PALM2AKAP2: variants seen among roughly 807,000 people sequenced by gnomAD.
PALM2AKAP2 encodes PALM2 and AKAP2 fusion, also known as PALM2-AKAP2 fusion protein.
A neutral mutation model predicts 71.5 loss-of-function variants in PALM2AKAP2; 37 were observed. The observed-to-expected ratio is 0.52, with a 90% CI of 0.40 to 0.68. The LOEUF is 0.68. PALM2AKAP2 is among the 30% of genes least tolerant of loss of function. The pLI is 0.00. For synonymous variants in PALM2AKAP2, 468 were observed against 478.8 expected, an observed-to-expected ratio of 0.98 and a Z score of 0.29; for missense variants, 1,224 against 1,191.8, an observed-to-expected ratio of 1.03 and a Z score of -0.40.
At chr9:109,940,278 A>G (rs903236759) in intron 6 of PALM2AKAP2, among the ~76,000 whole-genome samples, 2 of 152,212 alleles carry the variant, frequency 1.3e-5, no homozygotes, top group African/African-American at 4.8e-5. Context: ...TAATTATACA[A>G]CTGAGTGGTA....
chr9:109,827,796 A>G (rs1828193775), intron 1 of PALM2AKAP2, among the ~76,000 whole-genome samples: 1 of 152,120 alleles, frequency 6.6e-6, no homozygotes, highest in Non-Finnish European at 1.5e-5. Context: ...ATGGGGCTAG[A>G]GCACTGCTAC....
intron 7 of PALM2AKAP2, among the ~76,000 whole-genome samples, chr9:110,042,825 G>A (rs1833531340): frequency 6.6e-6 from 1 of 151,896 alleles, no homozygotes; most frequent in African/African-American, 2.4e-5. Context: ...CATAGTAGGT[G>A]GCATGTAATG....
At chr9:109,662,462 A>G (rs1275715558) in intron 1 of PALM2AKAP2, among the ~76,000 whole-genome samples, 1 of 152,096 alleles carries the variant, frequency 6.6e-6, no homozygotes, top group African/African-American at 2.4e-5. Context: ...TATGTGATGG[A>G]TTACGTTTAT....
chr9:110,103,159 C>T (rs1341305543), intron 1 of PALM2AKAP2, among the ~76,000 whole-genome samples: 2 of 152,174 alleles, frequency 1.3e-5, no homozygotes, highest in Non-Finnish European at 2.9e-5. Context: ...ACTCTCAGAG[C>T]GCTTCTCATA....
intron 1 of PALM2AKAP2, among the ~76,000 whole-genome samples, chr9:110,065,095 G>A (rs1208205884): frequency 6.6e-6 from 1 of 152,224 alleles, no homozygotes; most frequent in African/African-American, 2.4e-5. Flanking sequence ...ACTTTCTGGT[G>A]GAGGGCCAGC....
At chr9:110,088,709 T>G (rs1028206156) in intron 1 of PALM2AKAP2, among the ~76,000 whole-genome samples, 9 of 71,104 alleles carry the variant, frequency 1.3e-4, no homozygotes, top group African/African-American at 3.9e-4. Context: ...ACGTGTTTTT[T>G]TTTTTTTTTT....
At chr9:109,787,290 C>A (rs1316969055) in intron 1 of PALM2AKAP2, among the ~76,000 whole-genome samples, 1 of 152,208 alleles carries the variant, frequency 6.6e-6, no homozygotes, top group Non-Finnish European at 1.5e-5. Context: ...TCAGAGACAG[C>A]ATGCATTAAG....
chr9:109,936,533 A>G (rs535737781), intron 6 of PALM2AKAP2, among the ~76,000 whole-genome samples: 1 of 152,330 alleles, frequency 6.6e-6, no homozygotes, highest in African/African-American at 2.4e-5. Context: ...TGTTCATTCA[A>G]TAAGTCAACC....
At chr9:110,166,062 G>A (rs552771631) in intron 3 of PALM2AKAP2, among the ~76,000 whole-genome samples, 2 of 152,266 alleles carry the variant, frequency 1.3e-5, no homozygotes, top group African/African-American at 4.8e-5. Flanking sequence ...ATACAATGTA[G>A]AGTTCTTTAT....
intron 1 of PALM2AKAP2, among the ~76,000 whole-genome samples, chr9:109,837,138 G>A (rs900572871): frequency 1.3e-5 from 2 of 152,148 alleles, no homozygotes; most frequent in Admixed American, 1.3e-4. Context: ...AAAAGGTCAG[G>A]TTACCCACAA....
intron 2 of PALM2AKAP2, among the ~76,000 whole-genome samples, chr9:110,150,601 T>A (rs1325190416): frequency 1.3e-5 from 2 of 152,198 alleles, no homozygotes; most frequent in African/African-American, 4.8e-5. Flanking sequence ...TGCAAAGTTC[T>A]TTTTACCTCT....
chr9:110,036,547 C>T (rs897317601), intron 7 of PALM2AKAP2, among the ~76,000 whole-genome samples: 4 of 152,214 alleles, frequency 2.6e-5, no homozygotes, highest in South Asian at 2.1e-4. Context: ...AGTGCTCTCC[C>T]GGCCACTCCT....
chr9:109,938,677 C>T (rs902226152), intron 6 of PALM2AKAP2, among the ~76,000 whole-genome samples: 14 of 152,104 alleles, frequency 9.2e-5, no homozygotes, highest in Admixed American at 9.2e-4. Context: ...TAAAATTGCA[C>T]ACCAAAAAAC....
In PALM2AKAP2 at chr9:109,684,977, A is replaced by G. The variant is rs556813337; in HGVS notation, c.5+44111A>G. 5.3e-5 allele frequency among the ~76,000 whole-genome samples: 8 copies of G among 152,348 alleles called. No individual in the cohort carries two copies. In the East Asian group the frequency reaches 9.6e-4, roughly 18 times the overall value. ...AAATGTTACTGAACCATAAAAATAA[A>G]TAAATTACTGATACACACAAAACAT... On this transcript the variant is annotated intron_variant, in intron 1 of 6. Transcript: ENST00000374531.
chr9:109,988,888 T>A (rs1056242615), intron 6 of PALM2AKAP2, among the ~76,000 whole-genome samples: 2 of 152,100 alleles, frequency 1.3e-5, no homozygotes, highest in East Asian at 3.8e-4. Flanking sequence ...CCCCCACTGT[T>A]CTCGTGTTAG....
intron 1 of PALM2AKAP2, among the ~76,000 whole-genome samples, chr9:109,700,495 A>G (rs1416936601): frequency 6.6e-6 from 1 of 152,206 alleles, no homozygotes; most frequent in Non-Finnish European, 1.5e-5. Context: ...TGTTAGCTGC[A>G]TGAGAACAGA....
At chr9:109,994,790 C>T (rs916202823) in intron 6 of PALM2AKAP2, among the ~76,000 whole-genome samples, 2 of 152,180 alleles carry the variant, frequency 1.3e-5, no homozygotes, top group Non-Finnish European at 2.9e-5. Context: ...CCTCAAGCCC[C>T]CTTGCTCTCT....
At chr9:109,643,069 A>G (rs1310896539) in intron 1 of PALM2AKAP2, among the ~76,000 whole-genome samples, 1 of 140,110 alleles carries the variant, frequency 7.1e-6, no homozygotes, top group Non-Finnish European at 1.6e-5. Context: ...GAAAGAAAGA[A>G]AGAGAAAGAA....
chr9:109,938,576 A>G (rs140729424), intron 6 of PALM2AKAP2, among the ~76,000 whole-genome samples: 493 of 152,334 alleles, frequency 3.2e-3, no homozygotes, highest in African/African-American at 0.011. Context: ...AGAATAGTGT[A>G]CAACATGTAA....
Sources: allele counts gnomAD v4.1 joint callset (sites outside exome capture counted in the v4.1 genomes callset), GRCh38; gene constraint gnomAD v4.1.1; transcripts MANE v1.5; gene names NCBI Gene and HGNC (gene_info 2026-07-23, HGNC 2026-07-21).